The following MDN1 variants were observed in gnomAD, a reference collection of about 807,000 sequenced individuals.
MDN1 encodes the protein midasin.
Under a neutral mutation model 669.2 loss-of-function variants are expected in MDN1, and 266 were observed. The observed-to-expected ratio is 0.40, with a 90% CI of 0.36 to 0.44. The LOEUF is 0.44. Among genes scored for constraint, MDN1 ranks in the 20% least tolerant of loss-of-function variants. The pLI is 1.00. For missense variants in MDN1, 5,940 were observed against 6,754.0 expected, an observed-to-expected ratio of 0.88 and a Z score of 4.22; for synonymous variants, 2,385 against 2,457.1, an observed-to-expected ratio of 0.97 and a Z score of 0.87.
intron 1 of MDN1, among the ~76,000 whole-genome samples, chr6:89,806,528 C>A (rs983339443): frequency 1.2e-4 from 18 of 152,050 alleles, no homozygotes; most frequent in African/African-American, 3.9e-4. Flanking sequence ...ACCAGCCTGA[C>A]CAACATGGTG....
chr6:89,729,569 C>T (rs2128314780), intron 35 of MDN1, among the ~76,000 whole-genome samples: 1 of 152,268 alleles, frequency 6.6e-6, no homozygotes, highest in East Asian at 1.9e-4. Context: ...AAACAATTCA[C>T]ACTGTGTCCT....
chr6:89,703,528 T>G (rs1286646747), intron 53 of MDN1, among the ~76,000 whole-genome samples: 3 of 152,154 alleles, frequency 2.0e-5, no homozygotes, highest in Admixed American at 2.0e-4. Context: ...ACAGTAACAT[T>G]GTTTCTAGAT....
At chr6:89,765,244 G>A (rs763060707) in intron 15 of MDN1, among the ~76,000 whole-genome samples, 2 of 126,940 alleles carry the variant, frequency 1.6e-5, no homozygotes, top group Non-Finnish European at 3.3e-5. Flanking sequence ...GAGACAGAGT[G>A]AGACTATGCC....
chr6:89,698,785 GAATA>G, intron 59 of MDN1, 76 bp downstream of exon 59: 1 of 1,433,966 alleles, frequency 7.0e-7, no homozygotes, highest in African/African-American at 1.4e-5. Flanking sequence ...TCTATGCTAG[GAATA>G]AATGTTTATT....
At chr6:89,771,512 C>T in intron 15 of MDN1, 49 bp downstream of exon 15, 1 of 1,480,404 alleles carries the variant, frequency 6.8e-7, no homozygotes, top group East Asian at 2.3e-5. Context: ...TATTTCTTAC[C>T]TCAAGCAATA....
At position 89,655,852 on chromosome 6, in the gene MDN1, T is replaced by A; in HGVS notation, c.15402A>T (p.Pro5134=). ...VDTDSHAEQG[P]AQQPQAQVED... ...CCACCTGGGCCTGGGGCTGCTGAGCTGGCCCCTGCTCGGCATGGCTGTCCG... is the reference window on the plus strand; with the variant it reads ...CCACCTGGGCCTGGGGCTGCTGAGCAGGCCCCTGCTCGGCATGGCTGTCCG... Residue 5134 remains proline (P), a synonymous_variant, in exon 92 of 102, where the codon CCA becomes CCT. Transcript: ENST00000369393. 1 of 1,614,128 alleles carries A rather than the reference T, an allele frequency of 6.2e-7. No homozygotes were observed. The highest frequency in any genetic ancestry group is 1.1e-5 in the South Asian group (1 of 91,070).
At position 89,793,812 on chromosome 6, in the gene MDN1, C is replaced by T; in HGVS notation, c.805G>A (p.Ala269Thr). The T allele has an allele frequency of 6.2e-7, 1 of 1,614,154 alleles. No homozygotes were observed. Among genetic ancestry groups the T allele is most frequent in the Non-Finnish European group, 8.5e-7 (1 of 1,180,022 alleles). ...VSSDLSPRVT[A>T]VCGVVLPGQL... ...CCAGGCAGCACCACACCACAAACAG[C>T]TGTCACCCTAGGGGAGAGGTCAGAC... The change falls in exon 5 of 102, where the codon GCT becomes ACT. Residue 269 changes from alanine to threonine, a missense_variant. Ala to Thr is a moderately conservative substitution (Grantham distance 58). Transcript: ENST00000369393.
chr6:89,807,021 ATTCT>A (rs1195228925), intron 1 of MDN1, among the ~76,000 whole-genome samples: 5 of 152,188 alleles, frequency 3.3e-5, no homozygotes, highest in Admixed American at 2.6e-4. Flanking sequence ...ATCTTATGAA[ATTCT>A]TTATTTTGAA....
intron 1 of MDN1, among the ~76,000 whole-genome samples, chr6:89,812,608 C>T (rs1041473178): frequency 1.3e-5 from 2 of 152,062 alleles, no homozygotes; most frequent in Admixed American, 1.3e-4. Context: ...TCATATTCAA[C>T]TGCTAACTGA....
chr6:89,741,485 C>G (rs772020758), intron 31 of MDN1, among the ~76,000 whole-genome samples: 1 of 151,958 alleles, frequency 6.6e-6, no homozygotes, highest in Non-Finnish European at 1.5e-5. Context: ...TAGCGCCCCC[C>G]CAAAACTAAC....
At chr6:89,715,820 CTT>C (rs777920897) in intron 44 of MDN1, 51 bp from the exon 45 acceptor site, 3 of 1,197,154 alleles carry the variant, frequency 2.5e-6, no homozygotes, top group African/African-American at 3.0e-5. Context: ...TGCATTGACT[CTT>C]CTTTCCTTCC....
chr6:89,663,661 G>A (rs1348973119), intron 85 of MDN1, among the ~76,000 whole-genome samples: 1 of 152,116 alleles, frequency 6.6e-6, no homozygotes, highest in Non-Finnish European at 1.5e-5. Context: ...CAGGCCCAGT[G>A]CGGTGGCTCA....
intron 57 of MDN1, 131 bp from the exon 58 acceptor site, chr6:89,699,858 A>G: frequency 8.5e-7 from 1 of 1,178,700 alleles, no homozygotes; most frequent in Non-Finnish European, 1.2e-6. Context: ...CTCTACTGAT[A>G]AAATTCTCGG....
intron 82 of MDN1, 135 bp downstream of exon 82, chr6:89,672,063 TAA>T: frequency 5.8e-6 from 5 of 862,352 alleles, no homozygotes; most frequent in Non-Finnish European, 8.3e-6. Context: ...CACGTATAAA[TAA>T]AGAGACCAAG....
rs1407070485 is a variant in MDN1 at position 89,654,061 on chromosome 6, G to C, written c.15661+103C>G. 25 of 1,320,102 alleles carry C rather than the reference G, an allele frequency of 1.9e-5. No individual in the cohort carries two copies. The South Asian group carries it at 2.8e-4, about 15-fold the overall frequency. The allele number at this position is 1,320,102 out of a possible 1,614,324, so 81.8% of individuals were successfully genotyped here. ...AGGCAATTCATTCATCTAAGCCATGGATTAGGACATGGAACTGAACACCAG... is the reference window on the plus strand; with the variant it reads ...AGGCAATTCATTCATCTAAGCCATGCATTAGGACATGGAACTGAACACCAG... On this transcript the variant is annotated intron_variant, in intron 93 of 101. Coordinates refer to ENST00000369393, the MANE Select transcript of MDN1 (RefSeq NM_014611.3).
intron 26 of MDN1, 100 bp from the exon 27 acceptor site, chr6:89,747,570 A>G: frequency 8.0e-7 from 1 of 1,252,668 alleles, no homozygotes; most frequent in South Asian, 1.5e-5. Context: ...TTATGCTCCC[A>G]TTTAAATGAT....
At chr6:89,783,414 GTGGTCAGACCGGTC>G (rs1401229407) in intron 9 of MDN1, among the ~76,000 whole-genome samples, 2 of 152,130 alleles carry the variant, frequency 1.3e-5, no homozygotes, top group South Asian at 2.1e-4. Context: ...TGGTAAATTT[GTGGTCAGACCGGTC>G]TGTTGTTTAA....
chr6:89,732,595 T>C lies in MDN1; in HGVS notation c.4904A>G (p.His1635Arg). ...EIISTVTSFV[H>R]AACLVYIDGI... The stretch of plus-strand genomic sequence containing the variant: ...ATCTATGTACACCAGGCATGCAGCA[T>C]GGACAAAAGATGTCACAGTGGAGAT... Residue 1635 changes from histidine (H) to arginine (R), a missense_variant, in exon 34 of 102, where the codon CAT becomes CGT. Coordinates refer to ENST00000369393, the MANE Select transcript of MDN1 (RefSeq NM_014611.3). 1.9e-6 allele frequency: 3 copies of C among 1,614,164 alleles called. No homozygotes were observed. Among genetic ancestry groups the C allele is most frequent in the African/African-American group, 1.3e-5 (1 of 75,052 alleles).
In MDN1 at chr6:89,678,746, C is replaced by T. The variant is rs1811406387; in HGVS notation, c.12266-1G>A. The T allele has an allele frequency of 6.2e-7, 1 of 1,608,724 alleles. No homozygotes were observed. Among genetic ancestry groups the T allele is most frequent in the African/African-American group, 1.3e-5 (1 of 74,704 alleles). On this transcript the variant is annotated splice_acceptor_variant, in intron 74 of 101. Coordinates refer to ENST00000369393, the MANE Select transcript of MDN1 (RefSeq NM_014611.3). LOFTEE classifies it high-confidence loss of function. ...TCACTCACAGAGGAAATCACTTCAC[C>T]TGTAAGGGAAAACAAGGCGGGGAGG...
Sources: allele counts gnomAD v4.1 joint callset (sites outside exome capture counted in the v4.1 genomes callset), GRCh38; gene constraint gnomAD v4.1.1; transcripts MANE v1.5; gene names NCBI Gene and HGNC (gene_info 2026-07-23, HGNC 2026-07-21).